TBC1D32: variants seen among roughly 807,000 people sequenced by gnomAD.
TBC1D32 encodes the protein TBC1 domain family member 32, also known as protein broad-minded.
Under a neutral mutation model 170.3 loss-of-function variants are expected in TBC1D32, and 151 were observed. The observed-to-expected ratio is 0.89, with a 90% CI of 0.78 to 1.01. The LOEUF (loss-of-function observed/expected upper bound fraction) is 1.01, where lower values mean the gene tolerates loss of function less well. Ranked by LOEUF, TBC1D32 falls within the 50% of genes least tolerant of loss-of-function variation. The pLI is 0.00. For missense variants in TBC1D32, 1,464 were observed against 1,457.1 expected (o/e 1.00, Z -0.08); for synonymous variants, 498 against 488.0 (o/e 1.02, Z -0.27).
intron 24 of TBC1D32, among the ~76,000 whole-genome samples, chr6:121,157,362 TG>T (rs1416967914): frequency 6.6e-6 from 1 of 152,110 alleles, no homozygotes; most frequent in African/African-American, 2.4e-5. Context: ...TTTGTGTGGT[TG>T]TTTTTCTGCA....
intron 9 of TBC1D32, among the ~76,000 whole-genome samples, chr6:121,302,953 C>G (rs1435653369): frequency 6.6e-6 from 1 of 152,120 alleles, no homozygotes; most frequent in East Asian, 1.9e-4. Context: ...CCCCTCTCTT[C>G]TCAAGTGCAA....
At chr6:121,130,468 C>T (rs1482985840) in intron 25 of TBC1D32, among the ~76,000 whole-genome samples, 2 of 152,094 alleles carry the variant, frequency 1.3e-5, no homozygotes, top group Non-Finnish European at 2.9e-5. Flanking sequence ...GACGACAGAG[C>T]AAGACTCTGT....
intron 26 of TBC1D32, among the ~76,000 whole-genome samples, chr6:121,120,753 C>A (rs2128206540): frequency 6.6e-6 from 1 of 152,050 alleles, no homozygotes; most frequent in East Asian, 1.9e-4. Flanking sequence ...CAAGGTATAT[C>A]AAGTGCCTCA....
intron 29 of TBC1D32, 145 bp from the exon 30 acceptor site, chr6:121,106,308 A>C (rs1778676922): frequency 7.8e-6 from 3 of 384,646 alleles, no homozygotes; most frequent in Non-Finnish European, 1.2e-5. Flanking sequence ...AATCACTGTA[A>C]ATAAAATTAT....
chr6:121,127,707 A>C (rs938551527), intron 25 of TBC1D32, among the ~76,000 whole-genome samples: 1 of 152,144 alleles, frequency 6.6e-6, no homozygotes, highest in Non-Finnish European at 1.5e-5. Context: ...ATTTTACAGA[A>C]AGAACAATGT....
intron 15 of TBC1D32, among the ~76,000 whole-genome samples, chr6:121,265,862 G>T (rs1329312487): frequency 6.6e-6 from 1 of 152,058 alleles, no homozygotes; most frequent in African/African-American, 2.4e-5. Flanking sequence ...GGGAAAACTG[G>T]CTAATCATAT....
In TBC1D32 at chr6:121,182,632, A is replaced by G. The variant is rs563480204; in HGVS notation, c.2571-21576T>C. 8.5e-5 allele frequency among the ~76,000 whole-genome samples: 13 copies of G among 152,200 alleles called. No individual in the cohort carries two copies. The East Asian group carries it at 2.5e-3, about 29-fold the overall frequency. ...AGAATTTATTATTTTGCTTAACCATAATATTAAGGCTAGGTTTACAAAGTG... is the reference window on the plus strand; with the variant it reads ...AGAATTTATTATTTTGCTTAACCATGATATTAAGGCTAGGTTTACAAAGTG... On this transcript the variant is annotated intron_variant, in intron 22 of 31. Coordinates refer to ENST00000398212, the MANE Select transcript of TBC1D32 (RefSeq NM_152730.6).
chr6:121,279,606 T>C (rs1329638455), intron 14 of TBC1D32, among the ~76,000 whole-genome samples: 1 of 152,016 alleles, frequency 6.6e-6, no homozygotes, highest in African/African-American at 2.4e-5. Flanking sequence ...CCAATATAAT[T>C]ACATTATATA....
At chr6:121,082,039 T>G (rs140731053) in intron 31 of TBC1D32, among the ~76,000 whole-genome samples, 126 of 152,166 alleles carry the variant, frequency 8.3e-4, no homozygotes, top group African/African-American at 2.9e-3. Flanking sequence ...AATGTAAGTA[T>G]CTGAGCTCTA....
chr6:121,197,162 C>G (rs1366204344), intron 22 of TBC1D32, among the ~76,000 whole-genome samples: 1 of 152,144 alleles, frequency 6.6e-6, no homozygotes, highest in Non-Finnish European at 1.5e-5. Flanking sequence ...GTCTACTACT[C>G]CATAATGAAT....
At chr6:121,278,830 G>A (rs962428981) in intron 15 of TBC1D32, among the ~76,000 whole-genome samples, 29 of 151,886 alleles carry the variant, frequency 1.9e-4, no homozygotes, top group African/African-American at 5.8e-4. Context: ...ACTAGAGGAG[G>A]AAGAAAAAAT....
intron 31 of TBC1D32, among the ~76,000 whole-genome samples, chr6:121,084,625 G>A (rs897261359): frequency 6.6e-6 from 1 of 152,052 alleles, no homozygotes; most frequent in African/African-American, 2.4e-5. Context: ...TGAAAAGAAA[G>A]CTATACCAAT....
intron 15 of TBC1D32, among the ~76,000 whole-genome samples, chr6:121,265,210 G>A (rs1349486480): frequency 1.3e-5 from 2 of 152,128 alleles, no homozygotes; most frequent in East Asian, 3.9e-4. Context: ...AGCAACTTTA[G>A]CAAAGTCCCA....
intron 17 of TBC1D32, among the ~76,000 whole-genome samples, chr6:121,248,832 AAGTCCAGGACT>A (rs1797949105): frequency 6.6e-6 from 1 of 151,910 alleles, no homozygotes; most frequent in South Asian, 2.1e-4. Context: ...CAACAGAAAA[AAGTCCAGGACT>A]AGATAAATTC....
chr6:121,264,333 G>C (rs2128411532), intron 15 of TBC1D32, among the ~76,000 whole-genome samples: 2 of 152,164 alleles, frequency 1.3e-5, no homozygotes, highest in East Asian at 3.9e-4. Context: ...TAGAAGAAAT[G>C]GTTAAATTCC....
At position 121,213,429 on chromosome 6, in the gene TBC1D32, A is replaced by G. The variant is rs146792737; in HGVS notation, c.2482-8266T>C. Among the ~76,000 whole-genome samples the G allele has an allele frequency of 5.2e-4, 79 of 151,296 alleles. 1 individual carries two copies. In the East Asian group the frequency reaches 0.015, roughly 28 times the overall value. On this transcript the variant is annotated intron_variant, in intron 21 of 31. Transcript: ENST00000398212. ...CAATAGCCAAGTCAAGAGCCAAATC[A>G]GGAATTCAATCCTATTCACAACTGC...
chr6:121,099,993 C>A (rs1462361424), intron 30 of TBC1D32, among the ~76,000 whole-genome samples: 1 of 151,828 alleles, frequency 6.6e-6, no homozygotes, highest in Non-Finnish European at 1.5e-5. Context: ...CTTTGTTAGT[C>A]AAGTTTTAAA....
chr6:121,277,718 AG>A (rs1261936838), intron 15 of TBC1D32, among the ~76,000 whole-genome samples: 4 of 151,762 alleles, frequency 2.6e-5, no homozygotes, highest in Non-Finnish European at 4.4e-5. Flanking sequence ...ATAGAAAACT[AG>A]GAAGAGAAAA....
intron 26 of TBC1D32, among the ~76,000 whole-genome samples, chr6:121,122,958 T>C (rs150859103): frequency 0.011 from 1,709 of 152,150 alleles, 7 homozygotes; most frequent in Middle Eastern, 0.027. Flanking sequence ...CTTTATGCTA[T>C]GGTCAATGGT....
Sources: gnomAD v4.1 joint callset for allele counts (sites outside exome capture counted in the v4.1 genomes callset) on GRCh38, gnomAD v4.1.1 for gene constraint, MANE v1.5 for transcripts, NCBI Gene and HGNC (gene_info 2026-07-23, HGNC 2026-07-21) for gene names.